The following SLC22A4 variants were observed in gnomAD, a reference collection of about 807,000 sequenced individuals.
The protein encoded by SLC22A4 is solute carrier family 22 member 4.
SLC22A4 carries 39 observed loss-of-function variants against 56.6 expected under a neutral mutation model. The ratio of observed to expected loss-of-function variants is 0.69; its 90% CI spans 0.53 to 0.90. The LOEUF is 0.90. Ranked by LOEUF, SLC22A4 falls within the 40% of genes least tolerant of loss-of-function variation. The pLI, the probability that SLC22A4 is intolerant of heterozygous loss-of-function variation, is 0.00. For synonymous variants in SLC22A4, 241 were observed against 281.4 expected (o/e 0.86, Z 1.44); for missense variants, 594 against 696.5 (o/e 0.85, Z 1.66).
chr5:132,297,104 G>C (rs1278451673), intron 1 of SLC22A4, among the ~76,000 whole-genome samples: 1 of 152,136 alleles, frequency 6.6e-6, no homozygotes, highest in Non-Finnish European at 1.5e-5. Flanking sequence ...GATTACTTGA[G>C]GTCAGGAGTT....
intron 5 of SLC22A4, among the ~76,000 whole-genome samples, chr5:132,331,531 G>A (rs978307102): frequency 6.6e-6 from 1 of 152,132 alleles, no homozygotes; most frequent in African/African-American, 2.4e-5. Flanking sequence ...GGAAGGGGGT[G>A]TTATATATTT....
At chr5:132,313,508 A>G in intron 2 of SLC22A4, 106 bp from the exon 3 acceptor site, 2 of 1,037,904 alleles carry the variant, frequency 1.9e-6, no homozygotes, top group Non-Finnish European at 3.0e-6. Flanking sequence ...AAAGTCTGCC[A>G]GAGCCCTGAA....
Position 132,340,709 on chromosome 5 carries a change from G to A in SLC22A4, c.1580+9G>A, listed in dbSNP as rs753133424. The A allele has an allele frequency of 6.2e-7, 1 of 1,613,220 alleles. No individual in the cohort carries two copies. Among genetic ancestry groups the A allele is most frequent in the Non-Finnish European group, 8.5e-7 (1 of 1,179,320 alleles). Reference sequence around the variant, plus strand: ...ATGCAGAAAGTGAAATGGTAAGTAGGACTTTTAACAAAATGATACCAAAAT... The same window carrying A: ...ATGCAGAAAGTGAAATGGTAAGTAGAACTTTTAACAAAATGATACCAAAAT... On this transcript the variant is annotated intron_variant, in intron 9 of 9. Transcript: ENST00000200652.
At chr5:132,307,625 C>T (rs1417895093) in intron 1 of SLC22A4, among the ~76,000 whole-genome samples, 2 of 152,182 alleles carry the variant, frequency 1.3e-5, no homozygotes, top group Admixed American at 1.3e-4. Flanking sequence ...GTGTCAGACG[C>T]TCCACTGATA....
At chr5:132,326,199 A>T (rs776695165) in intron 4 of SLC22A4, among the ~76,000 whole-genome samples, 54 of 152,308 alleles carry the variant, frequency 3.5e-4, no homozygotes, top group Non-Finnish European at 3.5e-4. Context: ...TCATGGGCCA[A>T]ACCCCACTCT....
chr5:132,338,318 G>A (rs1751087406), intron 8 of SLC22A4, among the ~76,000 whole-genome samples: 1 of 152,104 alleles, frequency 6.6e-6, no homozygotes. Flanking sequence ...GAGATCACGT[G>A]CTTCACAAGG....
intron 5 of SLC22A4, among the ~76,000 whole-genome samples, chr5:132,328,577 A>AAAC (rs4646197): frequency 2.3e-4 from 34 of 150,320 alleles, no homozygotes; most frequent in South Asian, 1.3e-3. Context: ...TAAATGGATA[A>AAAC]AACAACAACA....
At chr5:132,326,375 A>G (rs911604288) in intron 4 of SLC22A4, among the ~76,000 whole-genome samples, 4 of 152,236 alleles carry the variant, frequency 2.6e-5, no homozygotes, top group Non-Finnish European at 4.4e-5. Flanking sequence ...TAAATACTGT[A>G]CTGAAAGTGA....
At chr5:132,340,754 TG>T (rs2126745393) in intron 9 of SLC22A4, 54 bp downstream of exon 9, 2 of 1,512,642 alleles carry the variant, frequency 1.3e-6, no homozygotes, top group Admixed American at 3.3e-5. Flanking sequence ...AGAATAAGCA[TG>T]GAAGAATAGC....
intron 5 of SLC22A4, among the ~76,000 whole-genome samples, chr5:132,328,597 A>ACAG (rs1171217707): frequency 6.6e-6 from 1 of 151,738 alleles, no homozygotes; most frequent in East Asian, 1.9e-4. Context: ...AACAACAACA[A>ACAG]CAACAACATT....
chr5:132,302,048 A>G (rs1168265506), intron 1 of SLC22A4, among the ~76,000 whole-genome samples: 1 of 152,244 alleles, frequency 6.6e-6, no homozygotes, highest in Admixed American at 6.5e-5. Context: ...CAGAGAGCAC[A>G]TAGAGGAGAC....
intron 8 of SLC22A4, 30 bp downstream of exon 8, chr5:132,336,030 C>T: frequency 6.2e-7 from 1 of 1,600,706 alleles, no homozygotes; most frequent in Non-Finnish European, 8.6e-7. Flanking sequence ...TTTGTTCTTC[C>T]TTTAAATTAG....
At chr5:132,341,238 T>C (rs1252634520) in intron 9 of SLC22A4, among the ~76,000 whole-genome samples, 1 of 151,710 alleles carries the variant, frequency 6.6e-6, no homozygotes, top group East Asian at 1.9e-4. Flanking sequence ...GCCAACATGG[T>C]GAAACCCTGT....
intron 5 of SLC22A4, among the ~76,000 whole-genome samples, chr5:132,330,856 G>A (rs1042548155): frequency 6.6e-6 from 1 of 152,124 alleles, no homozygotes; most frequent in Non-Finnish European, 1.5e-5. Context: ...AATAATAATA[G>A]TTTAAATTTA....
At chr5:132,306,384 A>AATAT (rs55779142) in intron 1 of SLC22A4, among the ~76,000 whole-genome samples, 8 of 30,598 alleles carry the variant, frequency 2.6e-4, no homozygotes, top group East Asian at 9.1e-4. Context: ...CAAACCGTGA[A>AATAT]ATATATATAT....
chr5:132,329,328 A>C (rs1750787665), intron 5 of SLC22A4, among the ~76,000 whole-genome samples: 1 of 152,036 alleles, frequency 6.6e-6, no homozygotes, highest in Non-Finnish European at 1.5e-5. Flanking sequence ...CGCTTTCCTG[A>C]GGCCTGGTCA....
intron 9 of SLC22A4, among the ~76,000 whole-genome samples, chr5:132,342,636 A>C (rs1016835865): frequency 3.3e-5 from 5 of 152,218 alleles, no homozygotes; most frequent in Non-Finnish European, 7.3e-5. Flanking sequence ...TTTGCTACCA[A>C]GTCTGGGGTT....
chr5:132,340,146 A>C (rs1313786110), intron 8 of SLC22A4, among the ~76,000 whole-genome samples: 3 of 148,194 alleles, frequency 2.0e-5, no homozygotes, highest in Non-Finnish European at 4.4e-5. Context: ...TTTGGGCAAA[A>C]GCAGAGTCAT....
intron 3 of SLC22A4, among the ~76,000 whole-genome samples, chr5:132,318,514 C>T (rs1356778350): frequency 1.3e-5 from 2 of 152,112 alleles, no homozygotes; most frequent in African/African-American, 2.4e-5. Flanking sequence ...GTTTCTTGAG[C>T]TGGGGTCTAC....
Sources: allele counts gnomAD v4.1 joint callset (sites outside exome capture counted in the v4.1 genomes callset), GRCh38; gene constraint gnomAD v4.1.1; transcripts MANE v1.5; gene names NCBI Gene and HGNC (gene_info 2026-07-23, HGNC 2026-07-21).